Variants in ABHD16A observed in about 807,000 individuals in gnomAD.
ABHD16A encodes the protein phosphatidylserine lipase ABHD16A.
A neutral mutation model predicts 89.8 loss-of-function variants in ABHD16A; 47 were observed. The observed-to-expected ratio is 0.52, with a 90% CI of 0.41 to 0.67. ABHD16A has a LOEUF of 0.67. ABHD16A is among the 30% of genes least tolerant of loss of function. ABHD16A has a pLI of 0.00. For synonymous variants in ABHD16A, 251 were observed against 280.4 expected (o/e 0.90, Z 1.05); for missense variants, 580 against 734.6 (o/e 0.79, Z 2.43).
chr6:31,703,318 T>A lies in ABHD16A; in HGVS notation c.-37A>T. The A allele has an allele frequency of 1.5e-6, 2 of 1,334,940 alleles. No homozygotes were observed. Among genetic ancestry groups the A allele is most frequent in the Non-Finnish European group, 1.9e-6 (2 of 1,031,976 alleles). 82.7% of individuals were successfully genotyped at this position (1,334,940 alleles called of 1,614,324 possible). ...GGGCCGCTGCTCTTCCAGCAGCAGGTCCCCCTGCCGGCCCCGCCCTCCCTG... is the reference window on the plus strand; with the variant it reads ...GGGCCGCTGCTCTTCCAGCAGCAGGACCCCCTGCCGGCCCCGCCCTCCCTG... On this transcript the variant is annotated 5_prime_UTR_variant, in exon 1 of 20. Coordinates refer to ENST00000395952, the MANE Select transcript of ABHD16A (RefSeq NM_021160.3).
chr6:31,691,693 G>A lies in ABHD16A; in HGVS notation c.742-13C>T. ...GGCGCCCATTACACTGAGTACGGAA[G>A]ACGCAATGGCCAAGATGCAAGGGTC... is the stretch of plus-strand genomic sequence containing the variant. On this transcript the variant is annotated splice_polypyrimidine_tract_variant and intron_variant, in intron 8 of 19. Coordinates refer to ENST00000395952, the MANE Select transcript of ABHD16A (RefSeq NM_021160.3). The A allele has an allele frequency of 6.8e-7, 1 of 1,476,060 alleles. No individual in the cohort carries two copies. The highest frequency in any genetic ancestry group is 9.1e-7 in the Non-Finnish European group (1 of 1,096,226). The allele number at this position is 1,476,060 out of a possible 1,614,324, so 91.4% of individuals were successfully genotyped here.
At chr6:31,695,188 C>T (rs957322707) in intron 5 of ABHD16A, among the ~76,000 whole-genome samples, 11 of 152,052 alleles carry the variant, frequency 7.2e-5, no homozygotes, top group African/African-American at 1.9e-4. Flanking sequence ...CTCTATGGGG[C>T]CCCAAAGCCC....
At chr6:31,697,088 A>C in intron 4 of ABHD16A, 55 bp from the exon 5 acceptor site, 1 of 1,517,622 alleles carries the variant, frequency 6.6e-7, no homozygotes, top group Non-Finnish European at 9.1e-7. Context: ...CAGAAAGCCT[A>C]GGTTTTAGGA....
chr6:31,701,452 T>C, intron 2 of ABHD16A, 112 bp from the exon 3 acceptor site: 1 of 869,188 alleles, frequency 1.2e-6, no homozygotes, highest in Non-Finnish European at 1.9e-6. Context: ...GGATATCATA[T>C]CATATTTGGT....
chr6:31,688,036 C>G lies in ABHD16A; in HGVS notation c.1370+5G>C. 6.2e-7 allele frequency: 1 copy of G among 1,612,422 alleles called. No individual in the cohort carries two copies. The highest frequency in any genetic ancestry group is 8.5e-7 in the Non-Finnish European group (1 of 1,179,340). On this transcript the variant is annotated splice_donor_5th_base_variant and intron_variant, in intron 16 of 19. Transcript: ENST00000395952. The surrounding 1 kb of genome is among the most constrained non-coding windows in gnomAD (Gnocchi z 4.9). ...CCCCCAGCGCGCACACACCCTGGCT[C>G]TCACCGATGCTGCAGGAGCTTCAGC... is the stretch of plus-strand genomic sequence containing the variant.
chr6:31,702,174 G>C, intron 1 of ABHD16A, 44 bp from the exon 2 acceptor site: 1 of 1,597,114 alleles, frequency 6.3e-7, no homozygotes, highest in South Asian at 1.1e-5. Flanking sequence ...CCCACTGGCA[G>C]GTCCTTTCCC....
intron 5 of ABHD16A, 119 bp downstream of exon 5, chr6:31,696,829 T>A: frequency 1.1e-6 from 1 of 934,374 alleles, no homozygotes; most frequent in Non-Finnish European, 1.7e-6. Flanking sequence ...AAACACCCAG[T>A]GTGGTGGGTG....
rs1305075160 is a variant in ABHD16A at position 31,701,328 on chromosome 6, A to G, written c.202T>C (p.Trp68Arg). 1.2e-6 allele frequency: 2 copies of G among 1,612,904 alleles called. No individual in the cohort carries two copies. The highest frequency in any genetic ancestry group is 1.7e-6 in the Non-Finnish European group (2 of 1,179,464). Residue 68 changes from tryptophan (W) to arginine (R), a missense_variant, in exon 3 of 20, where the codon TGG (tryptophan) becomes CGG (arginine). Trp to Arg is a moderately radical substitution (Grantham distance 101). Coordinates refer to ENST00000395952, the MANE Select transcript of ABHD16A (RefSeq NM_021160.3). ...GGAGAGGAGTAATAAGAGATGGACC[A>G]GAATACTGAAGCCTGCAGCAGAGAG... The part of the protein sequence containing the change: ...DSILALASVF[W>R]SISYYSSPFA...
chr6:31,695,894 G>A (rs919000175), intron 5 of ABHD16A, among the ~76,000 whole-genome samples: 2 of 151,094 alleles, frequency 1.3e-5, no homozygotes, highest in Non-Finnish European at 1.5e-5. Flanking sequence ...GGCCAGGCAC[G>A]GTGGCTCACG....
At position 31,687,450 on chromosome 6, in the gene ABHD16A, A is replaced by G; in HGVS notation, c.1593+48T>C. 6.2e-7 allele frequency: 1 copy of G among 1,612,604 alleles called. No individual in the cohort carries two copies. The highest frequency in any genetic ancestry group is 1.3e-5 in the African/African-American group (1 of 74,952). ...AGGGTATCCCCAGTCCCCCTATGTGAGCCCTGGCCATTCAAGAACCCTTCC... is the reference window on the plus strand; with the variant it reads ...AGGGTATCCCCAGTCCCCCTATGTGGGCCCTGGCCATTCAAGAACCCTTCC... On this transcript the variant is annotated intron_variant, in intron 19 of 19. Coordinates refer to ENST00000395952, the MANE Select transcript of ABHD16A (RefSeq NM_021160.3). This position sits in a 1 kb window ranked among gnomAD's most constrained non-coding sequence, Gnocchi z 6.3.
At position 31,703,276 on chromosome 6, in the gene ABHD16A, C is replaced by A. The variant is rs745383540; in HGVS notation, c.6G>T (p.Ala2=). 6 of 1,351,818 alleles carry A rather than the reference C, an allele frequency of 4.4e-6. No homozygotes were observed. The highest frequency in any genetic ancestry group is 5.8e-6 in the Non-Finnish European group (6 of 1,039,592). 83.7% of individuals were successfully genotyped at this position (1,351,818 alleles called of 1,614,324 possible). A position where few individuals can be genotyped will look rare whatever the true frequency, so the allele number is the denominator to read the frequency against. The change falls in exon 1 of 20, where the codon GCG becomes GCT. Residue 2 remains alanine, a synonymous_variant. Transcript: ENST00000395952. ...GGCCTAGGACGCAGCTCAGCAGCTT[C>A]GCCATGGCCCCGGCTCGGGCCGCTG... M[A]KLLSCVLGPR...
At chr6:31,701,510 G>T (rs1394963029) in intron 2 of ABHD16A, among the ~76,000 whole-genome samples, 170 bp from the exon 3 acceptor site, 1 of 152,196 alleles carries the variant, frequency 6.6e-6, no homozygotes, top group African/African-American at 2.4e-5. Context: ...TTGAAAAGTA[G>T]TGTGTCAATG....
chr6:31,687,893 G>C lies in ABHD16A; in HGVS notation c.1378C>G (p.Arg460Gly). The change falls in exon 17 of 20, where the codon CGG (arginine) becomes GGG (glycine). Residue 460 changes from arginine (R) to glycine (G), a missense_variant. Coordinates refer to ENST00000395952, the MANE Select transcript of ABHD16A (RefSeq NM_021160.3). This position sits in a 1 kb window ranked among gnomAD's most constrained non-coding sequence, Gnocchi z 6.3. ...CGAAGACCCTCCTCTGCCATCACCC[G>C]GGGATACCTACGGAGGAAGTGCCAG... is the stretch of plus-strand genomic sequence containing the variant. Reference protein sequence around the residue: ...LLKLLQHRYPRVMAEEGLRVV... With the variant: ...LLKLLQHRYPGVMAEEGLRVV... 6.2e-7 allele frequency: 1 copy of C among 1,612,722 alleles called. No homozygotes were observed. The highest frequency in any genetic ancestry group is 8.5e-7 in the Non-Finnish European group (1 of 1,180,000).
At chr6:31,702,604 C>T in intron 1 of ABHD16A, 2 of 1,459,484 alleles carry the variant, frequency 1.4e-6, no homozygotes, top group Non-Finnish European at 1.8e-6. Context: ...ATATTTAGAA[C>T]AGCCTACCAC....
In ABHD16A at chr6:31,687,349, C is replaced by T; in HGVS notation, c.1594-54G>A. ...TACAGAGCACTGTTGGGAGGGGCAG[C>T]CACTGGACTCCCTCCCCACCCTCCA... On this transcript the variant is annotated intron_variant, in intron 19 of 19. Transcript: ENST00000395952. The surrounding 1 kb of genome is among the most constrained non-coding windows in gnomAD (Gnocchi z 6.3). 6.3e-7 allele frequency: 1 copy of T among 1,597,272 alleles called. No homozygotes were observed. Among genetic ancestry groups the T allele is most frequent in the Non-Finnish European group, 8.6e-7 (1 of 1,166,546 alleles).
chr6:31,692,830 G>T, intron 7 of ABHD16A, 197 bp downstream of exon 7: 1 of 518,404 alleles, frequency 1.9e-6, no homozygotes, highest in Non-Finnish European at 3.2e-6. Context: ...CTACATTTGA[G>T]ACTCCAGACC....
At chr6:31,696,813 G>C in intron 5 of ABHD16A, 135 bp downstream of exon 5, 1 of 817,266 alleles carries the variant, frequency 1.2e-6, no homozygotes, top group Non-Finnish European at 2.0e-6. Context: ...ACAGCAATGT[G>C]CAAGCAAACA....
chr6:31,687,483 C>T lies in ABHD16A; in HGVS notation c.1593+15G>A, dbSNP rs1390051758. 1 of 1,613,102 alleles carries T rather than the reference C, an allele frequency of 6.2e-7. No homozygotes were observed. The highest frequency in any genetic ancestry group is 2.2e-5 in the East Asian group (1 of 44,884). On this transcript the variant is annotated intron_variant, in intron 19 of 19. Transcript: ENST00000395952. This position sits in a 1 kb window ranked among gnomAD's most constrained non-coding sequence, Gnocchi z 6.3. ...CCATTCAAGAACCCTTCCCACTTCCCACTCCTTAGCTCACCAGAAACAAAG... is the reference window on the plus strand; with the variant it reads ...CCATTCAAGAACCCTTCCCACTTCCTACTCCTTAGCTCACCAGAAACAAAG...
intron 4 of ABHD16A, among the ~76,000 whole-genome samples, chr6:31,697,574 T>C (rs536228298): frequency 4.0e-4 from 61 of 152,300 alleles, no homozygotes; most frequent in Admixed American, 2.1e-3. Context: ...GCATTCTCCC[T>C]GTCCCTCAAG....
Sources: gnomAD v4.1 joint callset for allele counts (sites outside exome capture counted in the v4.1 genomes callset) on GRCh38, gnomAD v4.1.1 for gene constraint, Gnocchi (gnomAD v3.1) non-coding constraint, MANE v1.5 for transcripts, NCBI Gene and HGNC (gene_info 2026-07-23, HGNC 2026-07-21) for gene names.